ZNF277: variants seen among roughly 807,000 people sequenced by gnomAD.
The protein encoded by ZNF277 is nuclear receptor-interacting factor 4.
ZNF277 carries 55 observed loss-of-function variants against 60.7 expected under a neutral mutation model. The ratio of observed to expected loss-of-function variants is 0.91; its 90% CI spans 0.73 to 1.13. The LOEUF is 1.13. ZNF277 is among the 50% of genes most tolerant of loss of function. ZNF277 has a pLI of 0.00. For synonymous variants in ZNF277, 178 were observed against 179.3 expected, an observed-to-expected ratio of 0.99 and a Z score of 0.06; for missense variants, 510 against 523.0, an observed-to-expected ratio of 0.98 and a Z score of 0.24.
At chr7:112,318,703 T>C (rs1446286679) in intron 5 of ZNF277, among the ~76,000 whole-genome samples, 1 of 151,994 alleles carries the variant, frequency 6.6e-6, no homozygotes, top group Non-Finnish European at 1.5e-5. Context: ...GCTGGTGCAG[T>C]ACAATTCAAT....
intron 1 of ZNF277, among the ~76,000 whole-genome samples, chr7:112,242,741 G>A (rs1266095898): frequency 1.3e-5 from 2 of 151,886 alleles, no homozygotes; most frequent in African/African-American, 4.8e-5. Context: ...TGACCATACT[G>A]CACAAGGCAA....
At chr7:112,283,313 A>C (rs1361751263) in intron 1 of ZNF277, among the ~76,000 whole-genome samples, 1 of 152,222 alleles carries the variant, frequency 6.6e-6, no homozygotes, top group Non-Finnish European at 1.5e-5. Flanking sequence ...GGCTCACTTA[A>C]GGTCAGGAAT....
At chr7:112,314,198 A>C (rs1417511733) in intron 4 of ZNF277, among the ~76,000 whole-genome samples, 1 of 152,170 alleles carries the variant, frequency 6.6e-6, no homozygotes, top group Non-Finnish European at 1.5e-5. Flanking sequence ...TGGTATGCCC[A>C]AGGCCACATT....
intron 10 of ZNF277, among the ~76,000 whole-genome samples, chr7:112,340,264 T>C (rs1042972071): frequency 1.3e-5 from 2 of 152,182 alleles, no homozygotes; most frequent in African/African-American, 2.4e-5. Flanking sequence ...AAAAATGTTA[T>C]GAGGAGTGAA....
intron 9 of ZNF277, 22 bp from the exon 10 acceptor site, chr7:112,339,821 G>A: frequency 3.1e-6 from 5 of 1,604,430 alleles, no homozygotes; most frequent in Non-Finnish European, 4.3e-6. Context: ...TATGCTTACA[G>A]ATGTATTCAT....
At chr7:112,273,892 A>G (rs1021752557) in intron 1 of ZNF277, among the ~76,000 whole-genome samples, 6 of 152,180 alleles carry the variant, frequency 3.9e-5, no homozygotes, top group African/African-American at 1.4e-4. Flanking sequence ...TAAGTTCATA[A>G]AACTGTGATG....
rs149427897 is a variant in ZNF277 at position 112,305,161 on chromosome 7, G to A, written c.465+8850G>A. Among the ~76,000 whole-genome samples, 1,106 of 152,204 alleles carry A rather than the reference G, an allele frequency of 7.3e-3. 13 individuals are homozygous for A. The highest frequency in any genetic ancestry group is 0.025 in the African/African-American group (1,051 of 41,524). ...AATCCCAGCACTTTGGGAGGCTGAG[G>A]CGAGAGAATCGCTTGAACTCAGGAG... On this transcript the variant is annotated intron_variant, in intron 4 of 11. Coordinates refer to ENST00000361822, the MANE Select transcript of ZNF277 (RefSeq NM_021994.3).
Position 112,222,426 on chromosome 7 carries a change from G to C in ZNF277, c.91+15619G>C, listed in dbSNP as rs539147707. 1.5e-4 allele frequency among the ~76,000 whole-genome samples: 23 copies of C among 152,252 alleles called. 1 individual carries two copies. Among genetic ancestry groups the C allele is most frequent in the Admixed American group, 2.6e-4 (4 of 15,292 alleles). On this transcript the variant is annotated intron_variant, in intron 1 of 11. Coordinates refer to ENST00000361822, the MANE Select transcript of ZNF277 (RefSeq NM_021994.3). ...AATTGAGTCTTGCTAGGTTCTATGT[G>C]TATAGAATTTATCCATTTCTTCTAG...
At chr7:112,296,158 A>G in intron 3 of ZNF277, 71 bp from the exon 4 acceptor site, 1 of 1,161,730 alleles carries the variant, frequency 8.6e-7, no homozygotes, top group East Asian at 2.4e-5. Context: ...GTATTTTTTA[A>G]GAAATAAGTC....
At chr7:112,208,847 G>GT (rs1821656609) in intron 1 of ZNF277, among the ~76,000 whole-genome samples, 1 of 151,750 alleles carries the variant, frequency 6.6e-6, no homozygotes, top group African/African-American at 2.4e-5. Flanking sequence ...AGCCCGGCTA[G>GT]TTTTTTGTAT....
intron 1 of ZNF277, among the ~76,000 whole-genome samples, chr7:112,262,561 A>C (rs1191843410): frequency 6.6e-6 from 1 of 152,148 alleles, no homozygotes; most frequent in Non-Finnish European, 1.5e-5. Flanking sequence ...AAGGCTAATA[A>C]GTTAAATATA....
intron 1 of ZNF277, among the ~76,000 whole-genome samples, chr7:112,283,658 A>G (rs1791997685): frequency 6.6e-6 from 1 of 152,206 alleles, no homozygotes; most frequent in Admixed American, 6.5e-5. Context: ...ATATGTGTGA[A>G]TATTTAGGTC....
At chr7:112,305,003 A>C (rs1792556868) in intron 4 of ZNF277, among the ~76,000 whole-genome samples, 1 of 152,138 alleles carries the variant, frequency 6.6e-6, no homozygotes, top group South Asian at 2.1e-4. Flanking sequence ...TACTCCAGCT[A>C]CACTGGCTAT....
At chr7:112,277,336 C>T (rs1791828401) in intron 1 of ZNF277, among the ~76,000 whole-genome samples, 1 of 152,150 alleles carries the variant, frequency 6.6e-6, no homozygotes, top group African/African-American at 2.4e-5. Context: ...CCCACCTCAG[C>T]CTTCCAAAGT....
intron 1 of ZNF277, among the ~76,000 whole-genome samples, chr7:112,215,413 T>TCACA (rs1821854336): frequency 6.6e-6 from 1 of 152,222 alleles, no homozygotes; most frequent in East Asian, 1.9e-4. Flanking sequence ...CATTTGGTGG[T>TCACA]GTTTGGCAAC....
chr7:112,338,807 A>G (rs1004340426), intron 9 of ZNF277, among the ~76,000 whole-genome samples: 47 of 152,156 alleles, frequency 3.1e-4, no homozygotes, highest in African/African-American at 1.1e-3. Flanking sequence ...CTGTGTAAGG[A>G]TTACCTTTTC....
chr7:112,215,678 T>G (rs930686652), intron 1 of ZNF277, among the ~76,000 whole-genome samples: 1 of 152,218 alleles, frequency 6.6e-6, no homozygotes, highest in African/African-American at 2.4e-5. Context: ...GAAAGGAAAT[T>G]CTTGTTTTGC....
chr7:112,337,206 A>G (rs902390163), intron 8 of ZNF277, among the ~76,000 whole-genome samples: 4 of 152,198 alleles, frequency 2.6e-5, no homozygotes, highest in Non-Finnish European at 5.9e-5. Flanking sequence ...GGGATCCTGT[A>G]TCCTTTTTGA....
intron 1 of ZNF277, among the ~76,000 whole-genome samples, chr7:112,276,221 T>C (rs746775240): frequency 6.6e-5 from 10 of 152,242 alleles, no homozygotes; most frequent in Non-Finnish European, 1.5e-4. Flanking sequence ...GGATGGATAG[T>C]ACCTTGGGAA....
Sources: allele counts gnomAD v4.1 joint callset (sites outside exome capture counted in the v4.1 genomes callset), GRCh38; gene constraint gnomAD v4.1.1; transcripts MANE v1.5; gene names NCBI Gene and HGNC (gene_info 2026-07-23, HGNC 2026-07-21).